SASH1: variants seen among roughly 807,000 people sequenced by gnomAD.
SASH1 encodes SAM and SH3 domain containing 1.
A neutral mutation model predicts 125.2 loss-of-function variants in SASH1; 44 were observed. That is an observed-to-expected ratio of 0.35 (90% CI 0.28 to 0.45). SASH1 has a LOEUF of 0.45. Ranked by LOEUF, SASH1 falls within the 20% of genes least tolerant of loss-of-function variation. The probability of loss-of-function intolerance (pLI) is 1.00; values close to 1 mark genes in which losing one functional copy is unlikely to be tolerated. For synonymous variants in SASH1, 639 were observed against 649.1 expected (o/e 0.98, Z 0.24); for missense variants, 1,426 against 1,614.5 (o/e 0.88, Z 2.00).
intron 1 of SASH1, among the ~76,000 whole-genome samples, chr6:148,314,793 G>A (rs1440843471): frequency 3.4e-5 from 5 of 148,168 alleles, no homozygotes; most frequent in East Asian, 3.9e-4. Flanking sequence ...TTTTTGAGAC[G>A]GAGCCCAGGC....
rs111391910 is a variant in SASH1 at position 148,411,033 on chromosome 6, C to T, written c.285+20771C>T. On this transcript the variant is annotated intron_variant, in intron 2 of 19. Coordinates refer to ENST00000367467, the MANE Select transcript of SASH1 (RefSeq NM_015278.5). ...AATTAGCTGGGCATGGTGGCGCATGCCTGTAGTCCTAGCTATGCGGGAGGC... is the reference window on the plus strand; with the variant it reads ...AATTAGCTGGGCATGGTGGCGCATGTCTGTAGTCCTAGCTATGCGGGAGGC... 5.9e-3 allele frequency among the ~76,000 whole-genome samples: 901 copies of T among 152,042 alleles called. 8 individuals carry two copies. Among genetic ancestry groups the T allele is most frequent in the African/African-American group, 0.019 (808 of 41,484 alleles).
Position 148,544,788 on chromosome 6 carries a change from C to T in SASH1, c.3318C>T (p.Ile1106=), listed in dbSNP as rs768146323. The part of the protein sequence containing the change: ...LTENKLHAEG[I]DLTEEPYSDK... ...AAAACAAGCTGCACGCTGAAGGCAT[C>T]GATCTCACGGAGGAGCCGTATTCTG... is the stretch of plus-strand genomic sequence containing the variant. Residue 1106 remains isoleucine (I), a synonymous_variant, in exon 18 of 20, where the codon ATC becomes ATT. Coordinates refer to ENST00000367467, the MANE Select transcript of SASH1 (RefSeq NM_015278.5). This position sits in a 1 kb window ranked among gnomAD's most constrained non-coding sequence, Gnocchi z 6.4. 6.9e-6 allele frequency: 11 copies of T among 1,598,826 alleles called. No homozygotes were observed. The highest frequency in any genetic ancestry group is 2.3e-5 in the South Asian group (2 of 88,618).
chr6:148,235,125 AC>A, the SASH1 span, among the ~76,000 whole-genome samples: 1 of 152,206 alleles, frequency 6.6e-6, no homozygotes, highest in Non-Finnish European at 1.5e-5. Context: ...CCCCAGGAGC[AC>A]TTGCGTCATA....
At chr6:148,338,006 G>T (rs914146507), upstream of SASH1, among the ~76,000 whole-genome samples, 1 of 124,542 alleles carries the variant, frequency 8.0e-6, no homozygotes, top group Non-Finnish European at 1.9e-5. Context: ...ATTCCTGATG[G>T]TAAGAGAAAA....
rs1781076249 is a variant in SASH1, at chr6:148,525,295, C to T, written c.1214C>T (p.Thr405Ile). Residue 405 changes from threonine to isoleucine, a missense_variant, in exon 11 of 20, where the codon ACC (threonine) becomes ATC (isoleucine). By Grantham distance (89) the Thr-to-Ile change is moderately conservative. Around this residue, in one of 3 missense-constraint regions of SASH1, gnomAD observed 567 missense variants for 575.6 expected, o/e 0.99. Transcript: ENST00000367467. The part of the protein sequence containing the change: ...KGLGSLSHGR[T>I]CSFGGFDLTN... ...GCCCTACCCTCTTTTCCACAGAGAA[C>T]CTGCAGTTTTGGAGGATTTGACTTG... The T allele has an allele frequency of 6.2e-7, 1 of 1,613,982 alleles. No individual in the cohort carries two copies. Among genetic ancestry groups the T allele is most frequent in the Non-Finnish European group, 8.5e-7 (1 of 1,179,860 alleles).
the SASH1 span, among the ~76,000 whole-genome samples, chr6:148,243,481 A>AATAATAATAATC: frequency 6.9e-6 from 1 of 145,480 alleles, no homozygotes; most frequent in Non-Finnish European, 1.5e-5. Flanking sequence ...TAATAATAAT[A>AATAATAATAATC]GTAAAACAAA....
the SASH1 span, among the ~76,000 whole-genome samples, chr6:148,235,563 G>A: frequency 6.7e-6 from 1 of 148,780 alleles, no homozygotes; most frequent in South Asian, 2.1e-4. Flanking sequence ...CATGAACTCA[G>A]CAGTTTCCAG....
chr6:148,347,480 C>T (rs913345796), intron 1 of SASH1, among the ~76,000 whole-genome samples: 1 of 152,136 alleles, frequency 6.6e-6, no homozygotes, highest in African/African-American at 2.4e-5. Context: ...TACTCCATTC[C>T]TAAAAAATTA....
rs372550549 is a variant in SASH1, at chr6:148,417,746, G to A, written c.286-22438G>A. Among the ~76,000 whole-genome samples, 11 of 152,054 alleles carry A rather than the reference G, an allele frequency of 7.2e-5. No individual in the cohort carries two copies. In the East Asian group the frequency reaches 1.9e-3, roughly 27 times the overall value. ...TTTTTTTAAAAAAAACTGGAAATAG[G>A]CAAAGTTCCTACCTTATAAGTTTTT... On this transcript the variant is annotated intron_variant, in intron 2 of 19. Coordinates refer to ENST00000367467, the MANE Select transcript of SASH1 (RefSeq NM_015278.5).
At chr6:148,491,371 G>A (rs1779102586) in intron 8 of SASH1, among the ~76,000 whole-genome samples, 1 of 152,150 alleles carries the variant, frequency 6.6e-6, no homozygotes, top group Admixed American at 6.5e-5. Context: ...CTGGGTTCAA[G>A]CAATTGTCCT....
chr6:148,332,850 G>C (rs892402523), intron 1 of SASH1, among the ~76,000 whole-genome samples: 1 of 152,014 alleles, frequency 6.6e-6, no homozygotes, highest in African/African-American at 2.4e-5. Context: ...AGCTGGGCTT[G>C]GTGGCGTGCA....
At chr6:148,469,803 G>A (rs1452204190) in intron 5 of SASH1, among the ~76,000 whole-genome samples, 2 of 151,970 alleles carry the variant, frequency 1.3e-5, no homozygotes, top group Non-Finnish European at 2.9e-5. Context: ...CGAGGAGGGT[G>A]GATGACGAGA....
At chr6:148,488,796 C>T (rs1778980535) in intron 8 of SASH1, among the ~76,000 whole-genome samples, 1 of 152,172 alleles carries the variant, frequency 6.6e-6, no homozygotes, top group South Asian at 2.1e-4. Context: ...ATGTCTGAGT[C>T]TTTTGCCTGG....
upstream of SASH1, among the ~76,000 whole-genome samples, chr6:148,338,055 T>TCTATACCCATCTTCA (rs554823233): frequency 0.16 from 24,206 of 151,716 alleles, 2,157 homozygotes; most frequent in East Asian, 0.27. Context: ...TTCAATGGAA[T>TCTATACCCATCTTCA]ATCTACACTT....
chr6:148,298,706 G>GA (rs1313778879), intron 1 of SASH1, among the ~76,000 whole-genome samples: 1 of 65,450 alleles, frequency 1.5e-5, no homozygotes, highest in African/African-American at 6.5e-5. Flanking sequence ...AGGAAGGAAG[G>GA]AAGGAAGAAG....
chr6:148,263,057 G>T, the SASH1 span, among the ~76,000 whole-genome samples: 2 of 152,300 alleles, frequency 1.3e-5, no homozygotes, highest in Middle Eastern at 3.4e-3. Flanking sequence ...TTCTGAAGAA[G>T]TTGGAAGAGG....
rs1397750537 is a variant in SASH1 at position 148,387,655 on chromosome 6, T to G, written c.157-2479T>G. Among the ~76,000 whole-genome samples the G allele has an allele frequency of 1.7e-4, 13 of 77,704 alleles. 1 individual carries two copies. The highest frequency in any genetic ancestry group is 7.4e-4 in the African/African-American group (13 of 17,680). 51.0% of individuals were successfully genotyped at this position (77,704 alleles called of 152,430 possible). ...TTCTTTCTTTCTTTCTTTCTTTCTT[T>G]CTTTCTTTCTTTCTTTCTTTCTTTC... On this transcript the variant is annotated intron_variant, in intron 1 of 19. Coordinates refer to ENST00000367467, the MANE Select transcript of SASH1 (RefSeq NM_015278.5).
At chr6:148,438,147 A>G (rs1776373459) in intron 2 of SASH1, among the ~76,000 whole-genome samples, 1 of 152,220 alleles carries the variant, frequency 6.6e-6, no homozygotes. Context: ...AATTTCAGAG[A>G]AAATTTCAGA....
At chr6:148,209,163 C>G in the SASH1 span, among the ~76,000 whole-genome samples, 784 of 152,310 alleles carry the variant, frequency 5.1e-3, 9 homozygotes, top group African/African-American at 0.018. Context: ...TTATAAATCA[C>G]CTGAATTTTG....
Sources: allele counts gnomAD v4.1 joint callset (sites outside exome capture counted in the v4.1 genomes callset), GRCh38; gene constraint gnomAD v4.1.1; regional missense constraint gnomAD v4.1.1; non-coding constraint Gnocchi (gnomAD v3.1); transcripts MANE v1.5; gene names NCBI Gene and HGNC (gene_info 2026-07-23, HGNC 2026-07-21).